PGM2L1: variants seen among roughly 807,000 people sequenced by gnomAD.
The protein encoded by PGM2L1 is phosphoglucomutase 2 like 1.
A neutral mutation model predicts 73.4 loss-of-function variants in PGM2L1; 35 were observed. That is an observed-to-expected ratio of 0.48 (90% confidence interval 0.36 to 0.63). The LOEUF (loss-of-function observed/expected upper bound fraction) is 0.63. Among genes scored for constraint, PGM2L1 ranks in the 30% least tolerant of loss-of-function variants. PGM2L1 has a pLI of 0.00. For synonymous variants in PGM2L1, 225 were observed against 253.8 expected (o/e 0.89, Z 1.08); for missense variants, 570 against 742.0 (o/e 0.77, Z 2.69).
chr11:74,384,153 T>C (rs1442937878), intron 1 of PGM2L1, among the ~76,000 whole-genome samples: 1 of 152,062 alleles, frequency 6.6e-6, no homozygotes, highest in East Asian at 1.9e-4. Context: ...CCTTTTGTCA[T>C]TCCATGCTTT....
In PGM2L1 at chr11:74,398,189, G is replaced by C; in HGVS notation, c.-28C>G. The C allele has an allele frequency of 6.3e-7, 1 of 1,593,528 alleles. No homozygotes were observed. Among genetic ancestry groups the C allele is most frequent in the Non-Finnish European group, 8.6e-7 (1 of 1,168,872 alleles). Reference sequence around the variant, plus strand: ...CGACCAGACAGGCGTACGGGCCGGGGGCCGGCGAAGACACTGAGTTGGGGT... The same window carrying C: ...CGACCAGACAGGCGTACGGGCCGGGCGCCGGCGAAGACACTGAGTTGGGGT... On this transcript the variant is annotated 5_prime_UTR_variant, in exon 1 of 14. Transcript: ENST00000298198.
rs1278096194 is a variant in PGM2L1 at position 74,355,384 on chromosome 11, C to T, written c.556-3808G>A. The T allele has an allele frequency of 5.1e-6, 3 of 592,074 alleles. No individual in the cohort carries two copies. In the African/African-American group the frequency reaches 5.6e-5, roughly 11 times the overall value. 36.7% of individuals were successfully genotyped at this position (592,074 alleles called of 1,614,324 possible). ...GCCTGGCCAATGTGACAAACCCCGT[C>T]TCTACTAAAAATACAAAAAATTAGC... On this transcript the variant is annotated intron_variant, in intron 5 of 13. Coordinates refer to ENST00000298198, the MANE Select transcript of PGM2L1 (RefSeq NM_173582.6).
At position 74,345,652 on chromosome 11, in the gene PGM2L1, G is replaced by GA. The variant is rs1200057844; in HGVS notation, c.1038-4_1038-3insT. ...CTGTGAAAACTTTCCAACAACCACT[G>GA]TAGAGAGAAGGAAAATACAATGTCA... On this transcript the variant is annotated splice_polypyrimidine_tract_variant and splice_region_variant and intron_variant, in intron 8 of 13. Transcript: ENST00000298198. 1.2e-6 allele frequency: 2 copies of GA among 1,612,016 alleles called. No individual in the cohort carries two copies. The highest frequency in any genetic ancestry group is 2.2e-5 in the South Asian group (2 of 91,016).
intron 1 of PGM2L1, among the ~76,000 whole-genome samples, chr11:74,383,810 G>A (rs1862981782): frequency 1.9e-5 from 1 of 51,546 alleles, no homozygotes; most frequent in Non-Finnish European, 4.1e-5. Flanking sequence ...GTATTCTATG[G>A]AGATATATAA....
intron 5 of PGM2L1, chr11:74,355,766 G>A: frequency 2.1e-6 from 1 of 470,662 alleles, no homozygotes; most frequent in South Asian, 1.5e-5. Flanking sequence ...AGGAGAGCCA[G>A]AGAAGTGACA....
chr11:74,384,587 TA>T (rs1460701641), intron 1 of PGM2L1, among the ~76,000 whole-genome samples: 1 of 151,792 alleles, frequency 6.6e-6, no homozygotes, highest in African/African-American at 2.4e-5. Flanking sequence ...TAATATTAGG[TA>T]TTATATTTAA....
chr11:74,385,766 A>C (rs997549754), intron 1 of PGM2L1, among the ~76,000 whole-genome samples: 9 of 152,134 alleles, frequency 5.9e-5, no homozygotes, highest in Admixed American at 4.6e-4. Flanking sequence ...AACCACCAAG[A>C]AAGGAAACAA....
chr11:74,367,242 G>A (rs1201992636), intron 5 of PGM2L1, among the ~76,000 whole-genome samples: 2 of 152,104 alleles, frequency 1.3e-5, no homozygotes, highest in Non-Finnish European at 2.9e-5. Flanking sequence ...TAATTTTGAG[G>A]TGTCTGTTAG....
At chr11:74,342,698 A>T (rs754383475) in intron 11 of PGM2L1, 48 bp from the exon 12 acceptor site, 83 of 1,440,030 alleles carry the variant, frequency 5.8e-5, no homozygotes, top group Non-Finnish European at 7.3e-5. Context: ...ATAACTCTTT[A>T]AAAAAGCATA....
In PGM2L1 at chr11:74,334,609, T is replaced by C. The variant is rs1862064848; in HGVS notation, c.*2043A>G. 6.6e-6 allele frequency: 1 copy of C among 152,164 alleles called. No homozygotes were observed. Among genetic ancestry groups the C allele is most frequent in the Non-Finnish European group, 1.5e-5 (1 of 68,028 alleles). 9.4% of individuals were successfully genotyped at this position (152,164 alleles called of 1,614,324 possible). A position where few individuals can be genotyped will look rare whatever the true frequency, so the allele number is the denominator to read the frequency against. ...AAGTAAGGAAGGAACAAATTAACAATAGTGGCAATACAATAGTTGGACAAT... is the reference window on the plus strand; with the variant it reads ...AAGTAAGGAAGGAACAAATTAACAACAGTGGCAATACAATAGTTGGACAAT... On this transcript the variant is annotated 3_prime_UTR_variant, in exon 14 of 14. Transcript: ENST00000298198.
intron 1 of PGM2L1, among the ~76,000 whole-genome samples, chr11:74,392,965 G>A (rs184106514): frequency 1.3e-5 from 2 of 152,240 alleles, no homozygotes; most frequent in South Asian, 2.1e-4. Context: ...GATGACCTAG[G>A]TTTGAGTCCC....
At position 74,375,652 on chromosome 11, in the gene PGM2L1, C is replaced by T. The variant is rs192794207; in HGVS notation, c.112-1070G>A. 8.0e-4 allele frequency among the ~76,000 whole-genome samples: 122 copies of T among 152,076 alleles called. 1 individual carries two copies. Among genetic ancestry groups the T allele is most frequent in the African/African-American group, 2.4e-3 (99 of 41,506 alleles). On this transcript the variant is annotated intron_variant, in intron 1 of 13. Transcript: ENST00000298198. Reference sequence around the variant, plus strand: ...AAATACATAAAAACATATTAATATACAATTTAAACAAAATGGTTTTCTGGT... The same window carrying T: ...AAATACATAAAAACATATTAATATATAATTTAAACAAAATGGTTTTCTGGT...
intron 1 of PGM2L1, among the ~76,000 whole-genome samples, chr11:74,379,253 T>C (rs921620672): frequency 6.6e-6 from 1 of 152,096 alleles, no homozygotes; most frequent in Non-Finnish European, 1.5e-5. Flanking sequence ...GCTGCCAGGC[T>C]CTTCAACAAT....
At chr11:74,374,683 T>C (rs1285075482) in intron 1 of PGM2L1, 101 bp from the exon 2 acceptor site, 1 of 1,000,070 alleles carries the variant, frequency 1.0e-6, no homozygotes, top group Non-Finnish European at 1.4e-6. Context: ...AGGTTCAACA[T>C]TCAATATAAA....
At chr11:74,371,964 A>T in intron 2 of PGM2L1, 147 bp from the exon 3 acceptor site, 1 of 646,300 alleles carries the variant, frequency 1.5e-6, no homozygotes, top group Non-Finnish European at 2.8e-6. Flanking sequence ...CCAGTGTGGG[A>T]GCAATACTGT....
intron 13 of PGM2L1, 105 bp downstream of exon 13, chr11:74,338,363 C>CT: frequency 9.0e-7 from 1 of 1,113,122 alleles, no homozygotes; most frequent in Non-Finnish European, 1.2e-6. Context: ...TTTGAACATA[C>CT]TAAAAGCCAC....
At chr11:74,392,786 C>T (rs1358463987) in intron 1 of PGM2L1, among the ~76,000 whole-genome samples, 2 of 152,304 alleles carry the variant, frequency 1.3e-5, no homozygotes, top group African/African-American at 4.8e-5. Flanking sequence ...GTGATCCGCC[C>T]GCCTCGGCCT....
rs1399015336 is a variant in PGM2L1, at chr11:74,330,784, C to CA, written c.*5867dup. ...ACTAGTGATATTAAGTCTACATAGACACCATTTCTTTACCTTCCTGGCCAA... is the reference window on the plus strand; with the variant it reads ...ACTAGTGATATTAAGTCTACATAGACAACCATTTCTTTACCTTCCTGGCCAA... On this transcript the variant is annotated 3_prime_UTR_variant, in exon 14 of 14. Transcript: ENST00000298198. 1 of 152,564 alleles carries CA rather than the reference C, an allele frequency of 6.6e-6. No homozygotes were observed. The highest frequency in any genetic ancestry group is 6.5e-5 in the Admixed American group (1 of 15,278). 9.5% of individuals were successfully genotyped at this position (152,564 alleles called of 1,614,324 possible).
At chr11:74,350,901 G>A (rs995660805) in intron 6 of PGM2L1, among the ~76,000 whole-genome samples, 1 of 138,306 alleles carries the variant, frequency 7.2e-6, no homozygotes, top group African/African-American at 2.5e-5. Context: ...GAAAGAAAGA[G>A]AGAGAGAGAG....
Sources: allele counts gnomAD v4.1 joint callset (sites outside exome capture counted in the v4.1 genomes callset), GRCh38; gene constraint gnomAD v4.1.1; transcripts MANE v1.5; gene names NCBI Gene and HGNC (gene_info 2026-07-23, HGNC 2026-07-21).